The following CEP63 variants were observed in gnomAD, a reference collection of about 807,000 sequenced individuals.
CEP63 encodes the protein centrosomal protein of 63 kDa.
CEP63 carries 84 observed loss-of-function variants against 89.1 expected under a neutral mutation model. That is an observed-to-expected ratio of 0.94 (90% CI 0.79 to 1.13). The LOEUF (loss-of-function observed/expected upper bound fraction) is 1.13, where lower values mean the gene tolerates loss of function less well. CEP63 is among the 50% of genes most tolerant of loss of function. The pLI, the probability that CEP63 is intolerant of heterozygous loss-of-function variation, is 0.00. For synonymous variants in CEP63, 267 were observed against 272.5 expected (o/e 0.98, Z 0.20); for missense variants, 838 against 813.3 (o/e 1.03, Z -0.37).
Position 134,547,292 on chromosome 3 carries a change from GC to G in CEP63, c.930-42del, listed in dbSNP as rs747842216. On this transcript the variant is annotated intron_variant, in intron 8 of 14. Coordinates refer to ENST00000675561, the MANE Select transcript of CEP63 (RefSeq NM_001353108.3). ...GACTAGATGAGCATTATTTTTGTTT[GC>G]AGAGATAAAGGCGTTAACAATCATC... 1.9e-6 allele frequency: 3 copies of G among 1,593,664 alleles called. No homozygotes were observed. In the Admixed American group the frequency reaches 5.0e-5, roughly 27 times the overall value.
intron 6 of CEP63, among the ~76,000 whole-genome samples, chr3:134,542,725 T>C (rs1952306847): frequency 6.6e-6 from 1 of 152,188 alleles, no homozygotes; most frequent in Admixed American, 6.5e-5. Flanking sequence ...CAATTTCTTC[T>C]CCACTCTCTT....
chr3:134,513,228 A>G (rs955478633), intron 3 of CEP63, among the ~76,000 whole-genome samples: 11 of 152,136 alleles, frequency 7.2e-5, no homozygotes, highest in African/African-American at 1.7e-4. Flanking sequence ...CTCTGTCACC[A>G]TATTTATATG....
At chr3:134,706,865 T>A in the CEP63 span, among the ~76,000 whole-genome samples, 1 of 152,316 alleles carries the variant, frequency 6.6e-6, no homozygotes, top group Admixed American at 6.5e-5. Flanking sequence ...ATTCTCTACC[T>A]GTCTCTTCAC....
the CEP63 span, chr3:134,643,337 T>A: frequency 6.2e-7 from 1 of 1,613,934 alleles, no homozygotes; most frequent in Non-Finnish European, 8.5e-7. Flanking sequence ...TAGGAAGTGA[T>A]GACCTGGGGC....
downstream of CEP63, among the ~76,000 whole-genome samples, chr3:134,592,609 T>G (rs1239104373): frequency 2.0e-5 from 3 of 151,872 alleles, no homozygotes; most frequent in African/African-American, 7.3e-5. Context: ...CCTGTAGGCC[T>G]TTTTTCTTAG....
At chr3:134,516,370 C>T (rs1946219249) in intron 3 of CEP63, among the ~76,000 whole-genome samples, 1 of 152,204 alleles carries the variant, frequency 6.6e-6, no homozygotes, top group African/African-American at 2.4e-5. Context: ...GGGTTTTATA[C>T]CGAGACATTC....
intron 12 of CEP63, among the ~76,000 whole-genome samples, chr3:134,557,854 G>T (rs1956545439): frequency 6.6e-6 from 1 of 152,016 alleles, no homozygotes; most frequent in Non-Finnish European, 1.5e-5. Context: ...CTTCTTCCCT[G>T]TTTCTGATTC....
In CEP63 at chr3:134,562,133, C is replaced by A; in HGVS notation, c.*598C>A. 2 of 988,332 alleles carry A rather than the reference C, an allele frequency of 2.0e-6. No homozygotes were observed. The highest frequency in any genetic ancestry group is 3.5e-5 in the African/African-American group (2 of 57,356). 61.2% of individuals were successfully genotyped at this position (988,332 alleles called of 1,614,324 possible). On this transcript the variant is annotated 3_prime_UTR_variant, in exon 15 of 15. Transcript: ENST00000675561. The stretch of plus-strand genomic sequence containing the variant: ...TCAACACTCATGCAGAGGAGAGAGG[C>A]AGGGAGGGCAAGGGACTGGCTGTCA...
the CEP63 span, among the ~76,000 whole-genome samples, chr3:134,746,626 A>G: frequency 6.6e-6 from 1 of 152,166 alleles, no homozygotes; most frequent in African/African-American, 2.4e-5. Context: ...AACTGGTGTG[A>G]GATGGTAGGT....
the CEP63 span, among the ~76,000 whole-genome samples, chr3:134,691,466 A>T: frequency 4.7e-5 from 7 of 149,644 alleles, no homozygotes; most frequent in Admixed American, 2.0e-4. Context: ...ATAGCAAAAA[A>T]ATTTAGCTGG....
the CEP63 span, among the ~76,000 whole-genome samples, chr3:134,763,234 C>T: frequency 0.027 from 4,094 of 152,166 alleles, 176 homozygotes; most frequent in African/African-American, 0.094. Context: ...TCCCCGCTCC[C>T]TCCACCCCAC....
At chr3:134,651,146 G>T in the CEP63 span, 4 of 1,458,680 alleles carry the variant, frequency 2.7e-6, no homozygotes, top group Non-Finnish European at 2.7e-6. Flanking sequence ...ATTAGGGCCC[G>T]CCTGGGAGGG....
chr3:134,716,626 CA>C, the CEP63 span, among the ~76,000 whole-genome samples: 4 of 152,086 alleles, frequency 2.6e-5, no homozygotes, highest in Non-Finnish European at 4.4e-5. Context: ...TCTTATTAGC[CA>C]GAGGTACAGA....
chr3:134,777,688 G>A, the CEP63 span, among the ~76,000 whole-genome samples: 10 of 135,304 alleles, frequency 7.4e-5, no homozygotes, highest in Middle Eastern at 0.024. Flanking sequence ...GTCTTGGCTC[G>A]CTGCAACCTC....
In CEP63 at chr3:134,556,304, C is replaced by G. The variant is rs576984337; in HGVS notation, c.1468-1838C>G. ...CTCATTAAACTAAAGAGCTTCTGTA[C>G]AGCAAAAGAAACTACCATCAGAGTG... On this transcript the variant is annotated intron_variant, in intron 12 of 14. Transcript: ENST00000675561. 8.4e-4 allele frequency among the ~76,000 whole-genome samples: 128 copies of G among 152,154 alleles called. 1 individual carries two copies. The South Asian group carries it at 0.017, about 20-fold the overall frequency.
the CEP63 span, among the ~76,000 whole-genome samples, chr3:134,609,662 C>T: frequency 2.0e-5 from 3 of 152,222 alleles, no homozygotes; most frequent in Non-Finnish European, 2.9e-5. Context: ...TGCACCCCGG[C>T]TGCCCTGCCC....
At chr3:134,537,329 C>A in intron 6 of CEP63, 61 bp downstream of exon 6, 2 of 1,045,040 alleles carry the variant, frequency 1.9e-6, no homozygotes, top group Non-Finnish European at 3.0e-6. Context: ...GTTTGAACTA[C>A]CTTAATGCAG....
At chr3:134,607,155 T>C in the CEP63 span, 1 of 985,492 alleles carries the variant, frequency 1.0e-6, no homozygotes, top group Non-Finnish European at 1.2e-6. Context: ...TTCCACGGCC[T>C]ATGATACATT....
At chr3:134,713,134 C>T in the CEP63 span, among the ~76,000 whole-genome samples, 1 of 152,192 alleles carries the variant, frequency 6.6e-6, no homozygotes, top group African/African-American at 2.4e-5. Context: ...CATACTAGGA[C>T]AGTTTTCTCC....
Sources: gnomAD v4.1 joint callset for allele counts (sites outside exome capture counted in the v4.1 genomes callset) on GRCh38, gnomAD v4.1.1 for gene constraint, MANE v1.5 for transcripts, NCBI Gene and HGNC (gene_info 2026-07-23, HGNC 2026-07-21) for gene names.